EIF3A: variants seen among roughly 807,000 people sequenced by gnomAD.
EIF3A encodes the protein EIF3, p180 subunit.
Under a neutral mutation model 186.6 loss-of-function variants are expected in EIF3A, and 21 were observed. The observed-to-expected ratio is 0.11, with a 90% CI of 0.08 to 0.16. The LOEUF (loss-of-function observed/expected upper bound fraction) is 0.16. EIF3A is among the 10% of genes least tolerant of loss of function. EIF3A has a pLI of 1.00. For synonymous variants in EIF3A, 563 were observed against 584.3 expected, an observed-to-expected ratio of 0.96 and a Z score of 0.52; for missense variants, 1,306 against 1,796.3, an observed-to-expected ratio of 0.73 and a Z score of 4.93.
At chr10:119,078,350 A>G (rs756881286) in intron 1 of EIF3A, among the ~76,000 whole-genome samples, 10 of 152,130 alleles carry the variant, frequency 6.6e-5, no homozygotes, top group African/African-American at 1.2e-4. Context: ...AAAATTGCTC[A>G]TATATATGCT....
At position 119,033,735 on chromosome 10, in the gene EIF3A, T is replaced by C. The variant is rs1236767998; in HGVS notation, c.*2304A>G. ...ATTAAAATTATATCACAAATATATA[T>C]GCTTCCAGACAAAGAAAAGTTTGTT... On this transcript the variant is annotated 3_prime_UTR_variant, in exon 22 of 22. Coordinates refer to ENST00000369144, the MANE Select transcript of EIF3A (RefSeq NM_003750.4). 2 of 167,006 alleles carry C rather than the reference T, an allele frequency of 1.2e-5. No homozygotes were observed. Among genetic ancestry groups the C allele is most frequent in the East Asian group, 3.8e-4 (2 of 5,208 alleles). 10.3% of individuals were successfully genotyped at this position (167,006 alleles called of 1,614,324 possible). A position where few individuals can be genotyped will look rare whatever the true frequency, so the allele number is the denominator to read the frequency against.
rs1232356575 is a variant in EIF3A at position 119,065,513 on chromosome 10, C to T, written c.1008G>A (p.Thr336=). The T allele has an allele frequency of 1.9e-6, 3 of 1,613,006 alleles. No individual in the cohort carries two copies. Among genetic ancestry groups the T allele is most frequent in the East Asian group, 2.2e-5 (1 of 44,872 alleles). ...CCATATCCAGAAGTCGAGCAATATCCGTACGCTCAGGAGTAATAGGGATGG... is the reference window on the plus strand; with the variant it reads ...CCATATCCAGAAGTCGAGCAATATCTGTACGCTCAGGAGTAATAGGGATGG... ...TLSIPITPER[T]DIARLLDMDG... Residue 336 remains threonine, a synonymous_variant, in exon 7 of 22, where the codon ACG becomes ACA. Transcript: ENST00000369144.
chr10:119,066,621 G>A (rs1251010695), intron 6 of EIF3A, among the ~76,000 whole-genome samples: 3 of 151,146 alleles, frequency 2.0e-5, no homozygotes, highest in Middle Eastern at 3.4e-3. Flanking sequence ...AGGGAGAGGG[G>A]GAGACAAGAA....
intron 4 of EIF3A, among the ~76,000 whole-genome samples, chr10:119,071,291 G>A (rs1844065925): frequency 1.3e-5 from 2 of 152,036 alleles, no homozygotes; most frequent in Non-Finnish European, 2.9e-5. Flanking sequence ...CATAATCACT[G>A]GTCCTTGCTT....
At position 119,050,691 on chromosome 10, in the gene EIF3A, C is replaced by A; in HGVS notation, c.2320-17G>T. The A allele has an allele frequency of 6.2e-7, 1 of 1,613,366 alleles. No individual in the cohort carries two copies. ...AAGTTTTTCCTGCAATCGAAGTAAC[C>A]CCCAACCCAAAAAGGGCACACTTTG... On this transcript the variant is annotated splice_polypyrimidine_tract_variant and intron_variant, in intron 15 of 21. Transcript: ENST00000369144.
intron 19 of EIF3A, among the ~76,000 whole-genome samples, chr10:119,038,965 A>C (rs765285736): frequency 6.6e-6 from 1 of 152,124 alleles, no homozygotes; most frequent in African/African-American, 2.4e-5. Flanking sequence ...AAAAACCTTA[A>C]ATGATCTGTG....
chr10:119,075,059 G>A (rs1054530976), intron 1 of EIF3A, among the ~76,000 whole-genome samples: 3 of 128,554 alleles, frequency 2.3e-5, no homozygotes, highest in East Asian at 2.6e-4. Flanking sequence ...TCAGCTCACC[G>A]CAACCGATTC....
At chr10:119,074,507 T>C (rs1589697137) in intron 1 of EIF3A, among the ~76,000 whole-genome samples, 1 of 152,224 alleles carries the variant, frequency 6.6e-6, no homozygotes, top group South Asian at 2.1e-4. Context: ...CGGTATTGGT[T>C]CATTAGTTGT....
In EIF3A at chr10:119,075,182, G is replaced by A. The variant is rs1480418946; in HGVS notation, c.50-1245C>T. On this transcript the variant is annotated intron_variant, in intron 1 of 21. Coordinates refer to ENST00000369144, the MANE Select transcript of EIF3A (RefSeq NM_003750.4). Reference sequence around the variant, plus strand: ...TCACCATCTTGGCCAGGCTGGTCTCGAACTCCTGACCTCATGATCCACCCG... The same window carrying A: ...TCACCATCTTGGCCAGGCTGGTCTCAAACTCCTGACCTCATGATCCACCCG... Among the ~76,000 whole-genome samples, 5 of 151,524 alleles carry A rather than the reference G, an allele frequency of 3.3e-5. 1 individual carries two copies.
chr10:119,079,725 T>G (rs1056651245), intron 1 of EIF3A, among the ~76,000 whole-genome samples: 5 of 151,858 alleles, frequency 3.3e-5, no homozygotes, highest in African/African-American at 1.2e-4. Context: ...ATGGCTGAAG[T>G]ACACATATAG....
intron 6 of EIF3A, among the ~76,000 whole-genome samples, chr10:119,068,767 A>G (rs1315948723): frequency 6.6e-6 from 1 of 151,916 alleles, no homozygotes; most frequent in African/African-American, 2.4e-5. Flanking sequence ...TGAGGTGAGG[A>G]GTGGAGACCA....
intron 1 of EIF3A, 112 bp from the exon 2 acceptor site, chr10:119,074,049 G>C: frequency 1.1e-6 from 1 of 893,292 alleles, no homozygotes; most frequent in Non-Finnish European, 1.6e-6. Flanking sequence ...TTTTTACCAA[G>C]TTACATTTAT....
At chr10:119,079,684 C>G (rs556983395) in intron 1 of EIF3A, among the ~76,000 whole-genome samples, 1 of 152,120 alleles carries the variant, frequency 6.6e-6, no homozygotes, top group South Asian at 2.1e-4. Context: ...TTGGAGAGAT[C>G]GGGGCACACA....
intron 1 of EIF3A, among the ~76,000 whole-genome samples, 194 bp from the exon 2 acceptor site, chr10:119,074,131 T>C (rs1339724071): frequency 8.4e-6 from 1 of 119,264 alleles, no homozygotes; most frequent in Non-Finnish European, 1.7e-5. Flanking sequence ...TGTTGAAATA[T>C]GATCTACAAG....
chr10:119,071,897 C>T lies in EIF3A; in HGVS notation c.542-812G>A, dbSNP rs149444102. Among the ~76,000 whole-genome samples, 443 of 151,698 alleles carry T rather than the reference C, an allele frequency of 2.9e-3. 4 individuals carry two copies. Among genetic ancestry groups the T allele is most frequent in the African/African-American group, 0.01 (420 of 41,366 alleles). On this transcript the variant is annotated intron_variant, in intron 4 of 21. Coordinates refer to ENST00000369144, the MANE Select transcript of EIF3A (RefSeq NM_003750.4). ...AAAATTAGCCGAGCATGGCAGCGTG[C>T]GCCTGTAGTCCCAGCTGTTGGGAAG... is the stretch of plus-strand genomic sequence containing the variant.
chr10:119,042,611 C>G lies in EIF3A; in HGVS notation c.2909G>C (p.Arg970Pro), dbSNP rs555999896. The change falls in exon 19 of 22, where the codon CGT (arginine) becomes CCT (proline). Residue 970 changes from arginine (R) to proline (P), a missense_variant. Around this residue, in one of 8 missense-constraint regions of EIF3A, gnomAD observed 410 missense variants for 473.5 expected, o/e 0.87. Coordinates refer to ENST00000369144, the MANE Select transcript of EIF3A (RefSeq NM_003750.4). The surrounding 1 kb of genome is among the most constrained non-coding windows in gnomAD (Gnocchi z 7.8). ...AGAGAACCTATCTTCCTCAGGACCA[C>G]GTCTAGGGCCTCTGTCATCATCCAT... ...RGMDDDRGPR[R>P]GPEEDRFSRR... The G allele has an allele frequency of 3.7e-6, 6 of 1,614,066 alleles. No homozygotes were observed. The South Asian group carries it at 6.6e-5, about 18-fold the overall frequency.
At chr10:119,044,625 G>C (rs1001783272) in intron 17 of EIF3A, among the ~76,000 whole-genome samples, 2 of 152,188 alleles carry the variant, frequency 1.3e-5, no homozygotes, top group African/African-American at 4.8e-5. Flanking sequence ...GAGGCAGGTG[G>C]ATCACGAGGT....
intron 1 of EIF3A, among the ~76,000 whole-genome samples, chr10:119,079,829 C>T (rs1330423439): frequency 6.6e-6 from 1 of 152,164 alleles, no homozygotes; most frequent in African/African-American, 2.4e-5. Context: ...AGTCTCTTGG[C>T]TCAACAACTC....
At chr10:119,041,732 A>G (rs1238748252) in intron 19 of EIF3A, among the ~76,000 whole-genome samples, 1 of 152,246 alleles carries the variant, frequency 6.6e-6, no homozygotes, top group Non-Finnish European at 1.5e-5. Flanking sequence ...GAGTACAGGA[A>G]GAGCCTTCAA....
Sources: allele counts gnomAD v4.1 joint callset (sites outside exome capture counted in the v4.1 genomes callset), GRCh38; gene constraint gnomAD v4.1.1; regional missense constraint gnomAD v4.1.1; non-coding constraint Gnocchi (gnomAD v3.1); transcripts MANE v1.5; gene names NCBI Gene and HGNC (gene_info 2026-07-23, HGNC 2026-07-21).